The following ATP2A2 variants were observed in gnomAD, a reference collection of about 807,000 sequenced individuals.
ATP2A2 encodes the protein ATPase sarcoplasmic/endoplasmic reticulum Ca2+ transporting 2, also known as sarcoplasmic/endoplasmic reticulum calcium ATPase 2.
A neutral mutation model predicts 109.3 loss-of-function variants in ATP2A2; 14 were observed. The observed-to-expected ratio is 0.13, with a 90% confidence interval of 0.08 to 0.20. The LOEUF (loss-of-function observed/expected upper bound fraction) is 0.20, where lower values mean the gene tolerates loss of function less well. Among genes scored for constraint, ATP2A2 ranks in the 10% least tolerant of loss-of-function variants. The probability of loss-of-function intolerance (pLI) is 1.00; values close to 1 mark genes in which losing one functional copy is unlikely to be tolerated. For synonymous variants in ATP2A2, 506 were observed against 490.9 expected, an observed-to-expected ratio of 1.03 and a Z score of -0.41; for missense variants, 657 against 1,321.6, an observed-to-expected ratio of 0.50 and a Z score of 7.80.
At position 110,347,459 on chromosome 12, in the gene ATP2A2, T is replaced by C. The variant is rs1338426421; in HGVS notation, c.*989T>C. ...GAAGGCTCCTGCTCTGCTGTGTAGG[T>C]AGTCATAGGAATTGTATTCTTAATG... On this transcript the variant is annotated 3_prime_UTR_variant, in exon 20 of 20. Transcript: ENST00000539276. The C allele has an allele frequency of 2.3e-6, 3 of 1,289,084 alleles. No homozygotes were observed. Among genetic ancestry groups the C allele is most frequent in the African/African-American group, 1.5e-5 (1 of 65,954 alleles). 79.9% of individuals were successfully genotyped at this position (1,289,084 alleles called of 1,614,324 possible).
chr12:110,310,796 A>T (rs866967155), intron 5 of ATP2A2, among the ~76,000 whole-genome samples: 6 of 152,360 alleles, frequency 3.9e-5, no homozygotes, highest in African/African-American at 1.4e-4. Flanking sequence ...ACTTGACAGC[A>T]ATTTAAAGGA....
At chr12:110,333,340 G>A in intron 10 of ATP2A2, 57 bp downstream of exon 10, 2 of 1,473,774 alleles carry the variant, frequency 1.4e-6, no homozygotes, top group East Asian at 2.3e-5. Flanking sequence ...GGTGGGGTGG[G>A]TGGAATGAAA....
intron 11 of ATP2A2, among the ~76,000 whole-genome samples, chr12:110,337,757 G>C (rs1436524344): frequency 6.6e-6 from 1 of 152,230 alleles, no homozygotes; most frequent in Non-Finnish European, 1.5e-5. Context: ...CTCAGTAGGT[G>C]CATATGATGA....
intron 5 of ATP2A2, among the ~76,000 whole-genome samples, chr12:110,311,257 T>C (rs1169638606): frequency 1.3e-5 from 2 of 152,222 alleles, no homozygotes; most frequent in Non-Finnish European, 2.9e-5. Flanking sequence ...CGTTTGTTTA[T>C]AGACATGAGG....
In ATP2A2 at chr12:110,282,631, A is replaced by G; in HGVS notation, c.136+10A>G. ...TTACCGGCTGAAGAAGGTAATCTTA[A>G]CATGCTGTTTCTGTTTTTTTTCCTC... On this transcript the variant is annotated intron_variant, in intron 2 of 19. Coordinates refer to ENST00000539276, the MANE Select transcript of ATP2A2 (RefSeq NM_170665.4). The G allele has an allele frequency of 6.2e-7, 1 of 1,614,006 alleles. No individual in the cohort carries two copies. Among genetic ancestry groups the G allele is most frequent in the Non-Finnish European group, 8.5e-7 (1 of 1,179,970 alleles).
chr12:110,345,616 CA>C, intron 18 of ATP2A2: 6 of 661,286 alleles, frequency 9.1e-6, no homozygotes, highest in East Asian at 2.9e-5. Context: ...CCGTGGGGGC[CA>C]AAAATAGGAA....
rs185891622 is a variant in ATP2A2 at position 110,336,343 on chromosome 12, C to A, written c.1419+2200C>A. ...GTTGTCATACACAGCTGTATAAAGG[C>A]AAGCCTCATTTAGCAAAATGATTAG... On this transcript the variant is annotated intron_variant, in intron 11 of 19. Transcript: ENST00000539276. Among the ~76,000 whole-genome samples the A allele has an allele frequency of 3.9e-5, 6 of 152,272 alleles. No homozygotes were observed. The East Asian group carries it at 1.2e-3, about 29-fold the overall frequency.
intron 3 of ATP2A2, among the ~76,000 whole-genome samples, chr12:110,283,007 G>T (rs759458786): frequency 1.3e-5 from 2 of 152,216 alleles, no homozygotes; most frequent in Non-Finnish European, 2.9e-5. Flanking sequence ...CATTTACAGT[G>T]TGGTTAGGAG....
intron 6 of ATP2A2, among the ~76,000 whole-genome samples, chr12:110,324,881 A>C (rs1292195791): frequency 2.7e-5 from 4 of 148,862 alleles, no homozygotes; most frequent in African/African-American, 1.0e-4. Flanking sequence ...CAGTGGCGCG[A>C]TCTCAGCTCA....
At chr12:110,286,104 A>G (rs1231436971) in intron 3 of ATP2A2, among the ~76,000 whole-genome samples, 1 of 151,874 alleles carries the variant, frequency 6.6e-6, no homozygotes. Context: ...TTGTATTTTT[A>G]GTAGAGATGG....
intron 5 of ATP2A2, among the ~76,000 whole-genome samples, chr12:110,306,024 T>A (rs1464317972): frequency 1.3e-5 from 2 of 152,060 alleles, no homozygotes; most frequent in Non-Finnish European, 2.9e-5. Flanking sequence ...GGCCTATTGG[T>A]GATATTTATT....
Position 110,346,201 on chromosome 12 carries a change from C to T in ATP2A2, c.2860C>T (p.Leu954Phe). Residue 954 changes from leucine to phenylalanine, a missense_variant and splice_region_variant, in exon 20 of 20, where the codon CTC becomes TTC. Physicochemically the swap from Leu to Phe is conservative, Grantham distance 22. This residue lies in a region of ATP2A2 where 125 missense variants were observed against 243.5 expected (regional missense o/e 0.51). Transcript: ENST00000539276. ...GTGACACGTCTTCCCTGTGTGTCAG[C>T]TCATCTTCCAGATCACACCGCTGAA... ...FLILYVEPLP[L>F]IFQITPLNVT... 1 of 1,614,196 alleles carries T rather than the reference C, an allele frequency of 6.2e-7. No homozygotes were observed. The highest frequency in any genetic ancestry group is 8.5e-7 in the Non-Finnish European group (1 of 1,180,038).
chr12:110,303,056 T>A (rs947053803), intron 5 of ATP2A2, among the ~76,000 whole-genome samples: 1 of 152,182 alleles, frequency 6.6e-6, no homozygotes, highest in African/African-American at 2.4e-5. Flanking sequence ...GTCATACTAC[T>A]AGGCAGTGAG....
In ATP2A2 at chr12:110,303,567, C is replaced by T. The variant is rs111368428; in HGVS notation, c.463+6830C>T. Among the ~76,000 whole-genome samples, 284 of 152,246 alleles carry T rather than the reference C, an allele frequency of 1.9e-3. 2 individuals are homozygous for T. Among genetic ancestry groups the T allele is most frequent in the African/African-American group, 6.5e-3 (268 of 41,542 alleles). On this transcript the variant is annotated intron_variant, in intron 5 of 19. Coordinates refer to ENST00000539276, the MANE Select transcript of ATP2A2 (RefSeq NM_170665.4). The stretch of plus-strand genomic sequence containing the variant: ...CTGAGATTATAGGCACGTACCACCA[C>T]GCCCAGCTAATTTTTGTATTTTTTA...
rs573541386 is a variant in ATP2A2, at chr12:110,335,888, A to G, written c.1419+1745A>G. Among the ~76,000 whole-genome samples the G allele has an allele frequency of 7.2e-5, 11 of 152,364 alleles. No individual in the cohort carries two copies. In the South Asian group the frequency reaches 2.1e-3, roughly 29 times the overall value. On this transcript the variant is annotated intron_variant, in intron 11 of 19. Transcript: ENST00000539276. ...AAACATCATTCCTGAGCTGTGTGGC[A>G]GCAGCAGCAGCTGCTCCTTTTATAT...
chr12:110,348,873 G>C lies in ATP2A2; in HGVS notation c.*2403G>C. On this transcript the variant is annotated 3_prime_UTR_variant, in exon 20 of 20. Coordinates refer to ENST00000539276, the MANE Select transcript of ATP2A2 (RefSeq NM_170665.4). Reference sequence around the variant, plus strand: ...AATGGGTTGAATGGGCCAAATGCAAGGAGTGCATCTCTGGGCTGCAAACTG... The same window carrying C: ...AATGGGTTGAATGGGCCAAATGCAACGAGTGCATCTCTGGGCTGCAAACTG... The C allele has an allele frequency of 1.0e-6, 1 of 985,452 alleles. No individual in the cohort carries two copies. The allele number at this position is 985,452 out of a possible 1,614,324, so 61.0% of individuals were successfully genotyped here.
intron 3 of ATP2A2, among the ~76,000 whole-genome samples, chr12:110,285,576 G>A (rs1872573993): frequency 6.6e-6 from 1 of 152,174 alleles, no homozygotes. Context: ...AAGCAAGGGG[G>A]TTTGGATATC....
At chr12:110,293,448 G>A (rs566668222) in intron 4 of ATP2A2, among the ~76,000 whole-genome samples, 8 of 146,808 alleles carry the variant, frequency 5.4e-5, no homozygotes, top group Admixed American at 2.1e-4. Flanking sequence ...AGGCTGGAGT[G>A]CAATGGTGCA....
In ATP2A2 at chr12:110,309,140, A is replaced by ATTTTTTTTTTTTTTTTTTTTTTT. The variant is rs10665212; in HGVS notation, c.463+12416_463+12438dup. ...ATGGAGAGAGAGTTTAAGGAAACTA[A>ATTTTTTTTTTTTTTTTTTTTTTT]TTTTTTTTTTTTTTTTTTTTTTTTT... On this transcript the variant is annotated intron_variant, in intron 5 of 19. Transcript: ENST00000539276. 1.6e-4 allele frequency among the ~76,000 whole-genome samples: 8 copies of ATTTTTTTTTTTTTTTTTTTTTTT among 48,902 alleles called. 1 individual carries two copies. Among genetic ancestry groups the ATTTTTTTTTTTTTTTTTTTTTTT allele is most frequent in the Admixed American group, 7.0e-4 (2 of 2,860 alleles). 32.1% of individuals were successfully genotyped at this position (48,902 alleles called of 152,430 possible).
Sources: allele counts gnomAD v4.1 joint callset (sites outside exome capture counted in the v4.1 genomes callset), GRCh38; gene constraint gnomAD v4.1.1; regional missense constraint gnomAD v4.1.1; transcripts MANE v1.5; gene names NCBI Gene and HGNC (gene_info 2026-07-23, HGNC 2026-07-21).